USP50: variants seen among roughly 807,000 people sequenced by gnomAD.
The protein encoded by USP50 is ubiquitin specific peptidase 50.
In USP50, 37 loss-of-function variants were observed where a neutral mutation model predicts 39.2. The ratio of observed to expected loss-of-function variants is 0.94; its 90% CI spans 0.73 to 1.24. The LOEUF is 1.24. USP50 is among the 50% of genes most tolerant of loss of function. The probability of loss-of-function intolerance (pLI) is 0.00; values close to 1 mark genes in which losing one functional copy is unlikely to be tolerated. For synonymous variants in USP50, 139 were observed against 144.5 expected (o/e 0.96, Z 0.27); for missense variants, 374 against 398.2 (o/e 0.94, Z 0.52).
In USP50 at chr15:50,546,621, T is replaced by A. The variant is rs1390019543; in HGVS notation, c.-96A>T. The A allele has an allele frequency of 7.3e-7, 1 of 1,362,150 alleles. No homozygotes were observed. Among genetic ancestry groups the A allele is most frequent in the African/African-American group, 1.4e-5 (1 of 69,934 alleles). The allele number at this position is 1,362,150 out of a possible 1,614,324, so 84.4% of individuals were successfully genotyped here. ...TGAGCCTGTTAACGCTGGCTTTTTGTTTTAAACAATTGATATGCTCCTCTC... is the reference window on the plus strand; with the variant it reads ...TGAGCCTGTTAACGCTGGCTTTTTGATTTAAACAATTGATATGCTCCTCTC... On this transcript the variant is annotated 5_prime_UTR_variant, in exon 1 of 7. Transcript: ENST00000532404.
chr15:50,493,282 A>G, downstream of USP50: 1 of 514,178 alleles, frequency 1.9e-6, no homozygotes, highest in Non-Finnish European at 3.9e-6. Context: ...TGAATTTTGG[A>G]ATATTTGACG....
intron 5 of USP50, 80 bp downstream of exon 5, chr15:50,538,629 G>T: frequency 7.3e-7 from 1 of 1,369,790 alleles, no homozygotes; most frequent in Non-Finnish European, 9.8e-7. Flanking sequence ...TACTCTAAAT[G>T]GGTGAATTAT....
At chr15:50,510,034 T>C (rs765286451) in intron 6 of USP50, 16 of 152,176 alleles carry the variant, frequency 1.1e-4, no homozygotes, top group Non-Finnish European at 1.9e-4. Context: ...AAATTAAGAA[T>C]TAATTCAATA....
chr15:50,546,379 C>A (rs2053071061), intron 1 of USP50, 94 bp downstream of exon 1: 1 of 1,357,836 alleles, frequency 7.4e-7, no homozygotes, highest in Non-Finnish European at 1.1e-6. Context: ...CCTGGGAGAA[C>A]CCTCCTGAAT....
chr15:50,517,493 A>T (rs1566905453), intron 6 of USP50, among the ~76,000 whole-genome samples: 1 of 151,866 alleles, frequency 6.6e-6, no homozygotes, highest in African/African-American at 2.4e-5. Flanking sequence ...AAATAAGAGG[A>T]TTGAAATCAT....
chr15:50,499,847 T>G (rs1407751876), downstream of USP50: 1 of 152,192 alleles, frequency 6.6e-6, no homozygotes, highest in East Asian at 1.9e-4. Flanking sequence ...CCATAGATTT[T>G]ATATACACAC....
intron 6 of USP50, chr15:50,502,015 TGGCTTATGA>T (rs2052597331): frequency 6.6e-6 from 1 of 152,232 alleles, no homozygotes; most frequent in Non-Finnish European, 1.5e-5. Flanking sequence ...CAATACCATA[TGGCTTATGA>T]GGCCTAAAAT....
At chr15:50,526,223 T>C (rs1485856551) in intron 6 of USP50, among the ~76,000 whole-genome samples, 1 of 152,116 alleles carries the variant, frequency 6.6e-6, no homozygotes, top group Non-Finnish European at 1.5e-5. Flanking sequence ...CATGCTCTGC[T>C]AACTTCTGTA....
chr15:50,546,299 G>T (rs2053070326), intron 1 of USP50, among the ~76,000 whole-genome samples, 174 bp downstream of exon 1: 1 of 152,116 alleles, frequency 6.6e-6, no homozygotes, highest in Non-Finnish European at 1.5e-5. Flanking sequence ...CCTTTAGGAA[G>T]GACATGTATT....
rs2052926831 is a variant in USP50 at position 50,529,869 on chromosome 15, AG to A, written c.863del (p.Thr288IlefsTer25). 7 of 1,613,878 alleles carry A rather than the reference AG, an allele frequency of 4.3e-6. No homozygotes were observed. Among genetic ancestry groups the A allele is most frequent in the Non-Finnish European group, 5.9e-6 (7 of 1,179,894 alleles). ...KLRTDIHYPL[T>X]NLDLTPYICS... ...AAATATAAGGAGTGAGGTCCAAGTT[AG>A]TGAGTGGGTAATGAATATCCGTTCT... On this transcript the variant is annotated frameshift_variant, in exon 6 of 7. Coordinates refer to ENST00000532404, the MANE Select transcript of USP50 (RefSeq NM_203494.5). LOFTEE classifies it high-confidence loss of function.
chr15:50,502,297 G>T (rs1426745542), intron 6 of USP50: 1 of 152,136 alleles, frequency 6.6e-6, no homozygotes, highest in Non-Finnish European at 1.5e-5. Context: ...TTTTAGTAGA[G>T]ATGGGGTTTC....
intron 6 of USP50, chr15:50,514,317 G>T (rs2052779307): frequency 6.6e-6 from 1 of 152,138 alleles, no homozygotes; most frequent in African/African-American, 2.4e-5. Flanking sequence ...CTGTTCTGCT[G>T]GTTACATGGG....
At chr15:50,536,383 G>A (rs958227686) in intron 5 of USP50, among the ~76,000 whole-genome samples, 6 of 152,214 alleles carry the variant, frequency 3.9e-5, no homozygotes, top group African/African-American at 1.4e-4. Flanking sequence ...GCTCACACCT[G>A]TAATCCCAGC....
chr15:50,505,351 G>A (rs777028858), intron 6 of USP50: 14 of 152,130 alleles, frequency 9.2e-5, no homozygotes, highest in Non-Finnish European at 1.9e-4. Context: ...AGCAGCCATA[G>A]AAATCAGAGA....
intron 6 of USP50, chr15:50,505,460 A>G (rs1052889059): frequency 2.0e-5 from 3 of 152,240 alleles, no homozygotes; most frequent in African/African-American, 7.2e-5. Flanking sequence ...AAGACTTCTC[A>G]AAGACTGAGA....
chr15:50,498,119 T>C (rs915698139), downstream of USP50, among the ~76,000 whole-genome samples: 8 of 152,196 alleles, frequency 5.3e-5, no homozygotes, highest in African/African-American at 1.9e-4. Context: ...AACCAAGATA[T>C]CATTGTTTTG....
downstream of USP50, among the ~76,000 whole-genome samples, chr15:50,496,540 A>T (rs7170220): frequency 2.9e-3 from 434 of 151,894 alleles, 3 homozygotes; most frequent in African/African-American, 0.01. Flanking sequence ...CTGTTTTATA[A>T]TTAGGCCTAT....
intron 6 of USP50, chr15:50,509,613 A>C (rs992373027): frequency 6.6e-6 from 1 of 151,800 alleles, no homozygotes; most frequent in African/African-American, 2.4e-5. Flanking sequence ...GTGCCATTGC[A>C]CTCCAGCCTG....
At chr15:50,495,760 T>A (rs72738980), downstream of USP50, 4 of 1,054,302 alleles carry the variant, frequency 3.8e-6, no homozygotes. Flanking sequence ...TTTCTAAATC[T>A]GGCAAGTGTT....
Sources: allele counts gnomAD v4.1 joint callset (sites outside exome capture counted in the v4.1 genomes callset), GRCh38; gene constraint gnomAD v4.1.1; transcripts MANE v1.5; gene names NCBI Gene and HGNC (gene_info 2026-07-23, HGNC 2026-07-21).